The following ITGA4 variants were observed in gnomAD, a reference collection of about 807,000 sequenced individuals.
The protein encoded by ITGA4 is integrin alpha-4.
A neutral mutation model predicts 133.6 loss-of-function variants in ITGA4; 63 were observed. That is an observed-to-expected ratio of 0.47 (90% CI 0.38 to 0.58). The LOEUF (loss-of-function observed/expected upper bound fraction) is 0.58, where lower values mean the gene tolerates loss of function less well. ITGA4 is among the 20% of genes least tolerant of loss of function. The pLI is 0.00. For synonymous variants in ITGA4, 483 were observed against 438.0 expected (o/e 1.10, Z -1.28); for missense variants, 1,076 against 1,252.7 (o/e 0.86, Z 2.13).
intron 25 of ITGA4, among the ~76,000 whole-genome samples, chr2:181,533,930 T>A (rs1686997739): frequency 6.6e-6 from 1 of 152,196 alleles, no homozygotes; most frequent in African/African-American, 2.4e-5. Context: ...ATGTATTTAA[T>A]TTAGAAAGAA....
Position 181,460,201 on chromosome 2 carries a change from C to T in ITGA4, c.319+1884C>T, listed in dbSNP as rs114194236. ...TTTTGGCCAATCTACAAGGTATTTACTGGGATGAAAGGAAAAAAGGCAAGA... is the reference window on the plus strand; with the variant it reads ...TTTTGGCCAATCTACAAGGTATTTATTGGGATGAAAGGAAAAAAGGCAAGA... On this transcript the variant is annotated intron_variant, in intron 2 of 27. Transcript: ENST00000397033. Among the ~76,000 whole-genome samples the T allele has an allele frequency of 6.6e-3, 1,002 of 152,200 alleles. 14 individuals are homozygous for T. The highest frequency in any genetic ancestry group is 0.023 in the African/African-American group (952 of 41,514).
intron 10 of ITGA4, among the ~76,000 whole-genome samples, chr2:181,488,018 A>G (rs908463696): frequency 6.6e-6 from 1 of 152,228 alleles, no homozygotes; most frequent in African/African-American, 2.4e-5. Flanking sequence ...TAATTGACAC[A>G]TTTAAAGAAG....
At chr2:181,474,829 C>T (rs1301693125) in intron 2 of ITGA4, 131 bp from the exon 3 acceptor site, 2 of 646,986 alleles carry the variant, frequency 3.1e-6, no homozygotes, top group East Asian at 5.5e-5. Context: ...TCACATTTAT[C>T]CTCACATTGT....
chr2:181,487,187 A>G (rs1685942380), intron 10 of ITGA4, among the ~76,000 whole-genome samples: 1 of 152,154 alleles, frequency 6.6e-6, no homozygotes, highest in Non-Finnish European at 1.5e-5. Context: ...ACATGTATGA[A>G]TGGGAGCCTC....
Position 181,537,918 on chromosome 2 carries a change from A to T in ITGA4, c.*2391A>T. 1.7e-6 allele frequency: 1 copy of T among 582,988 alleles called. No individual in the cohort carries two copies. The highest frequency in any genetic ancestry group is 1.5e-5 in the South Asian group (1 of 65,568). The allele number at this position is 582,988 out of a possible 1,614,324, so 36.1% of individuals were successfully genotyped here. On this transcript the variant is annotated 3_prime_UTR_variant, in exon 28 of 28. Transcript: ENST00000397033. The stretch of plus-strand genomic sequence containing the variant: ...ACTGAGTTCCTCCCCCTGTCAGATC[A>T]GCAGCAGCATTAGATTCTCATAGAA...
intron 9 of ITGA4, among the ~76,000 whole-genome samples, chr2:181,483,692 A>G (rs1685853554): frequency 6.6e-6 from 1 of 152,108 alleles, no homozygotes; most frequent in African/African-American, 2.4e-5. Flanking sequence ...AGTAAAAGCA[A>G]ATTATCTACA....
chr2:181,493,769 C>G (rs1686103686), intron 11 of ITGA4, among the ~76,000 whole-genome samples: 1 of 152,126 alleles, frequency 6.6e-6, no homozygotes, highest in East Asian at 1.9e-4. Flanking sequence ...GTGGCTAGAG[C>G]CCCATATTTT....
chr2:181,460,456 A>C (rs1329712829), intron 2 of ITGA4, among the ~76,000 whole-genome samples: 4 of 152,150 alleles, frequency 2.6e-5, no homozygotes, highest in Non-Finnish European at 5.9e-5. Context: ...AAAACAATAC[A>C]TTGGTAATAA....
chr2:181,498,202 C>A (rs1686195409), intron 14 of ITGA4: 2 of 152,106 alleles, frequency 1.3e-5, no homozygotes, highest in African/African-American at 4.8e-5. Context: ...TAAAATTAGT[C>A]ATATAACCAC....
intron 17 of ITGA4, among the ~76,000 whole-genome samples, chr2:181,515,756 T>C (rs1224650198): frequency 2.0e-5 from 3 of 152,146 alleles, no homozygotes; most frequent in African/African-American, 4.8e-5. Flanking sequence ...AATTATACTC[T>C]ATCAGACAGA....
intron 21 of ITGA4, among the ~76,000 whole-genome samples, chr2:181,526,421 G>T (rs1407128021): frequency 6.6e-6 from 1 of 152,128 alleles, no homozygotes; most frequent in Non-Finnish European, 1.5e-5. Flanking sequence ...TTATGGAGTA[G>T]AGATCTCCCT....
At position 181,469,771 on chromosome 2, in the gene ITGA4, TG is replaced by T. The variant is rs1685502030; in HGVS notation, c.320-5187del. 5.3e-5 allele frequency among the ~76,000 whole-genome samples: 8 copies of T among 152,278 alleles called. No homozygotes were observed. The South Asian group carries it at 1.7e-3, about 32-fold the overall frequency. ...TGAGTTCATGTCCTTTGTAGGGACA[TG>T]GATGAAATTGGAAATCATCATTCTC... On this transcript the variant is annotated intron_variant, in intron 2 of 27. Transcript: ENST00000397033.
chr2:181,499,027 C>G, intron 15 of ITGA4: 1 of 307,592 alleles, frequency 3.3e-6, no homozygotes, highest in Non-Finnish European at 4.7e-6. Context: ...TTGCCTTTTC[C>G]TTTCTAAAAT....
At chr2:181,484,164 C>A (rs1685864146) in intron 9 of ITGA4, among the ~76,000 whole-genome samples, 1 of 152,118 alleles carries the variant, frequency 6.6e-6, no homozygotes, top group African/African-American at 2.4e-5. Context: ...AGTATAGATG[C>A]CTTGTGGAGA....
At chr2:181,487,184 T>C (rs1685942336) in intron 10 of ITGA4, among the ~76,000 whole-genome samples, 2 of 152,154 alleles carry the variant, frequency 1.3e-5, no homozygotes. Flanking sequence ...AAAACATGTA[T>C]GAATGGGAGC....
At chr2:181,461,988 T>A (rs1685292181) in intron 2 of ITGA4, among the ~76,000 whole-genome samples, 2 of 152,294 alleles carry the variant, frequency 1.3e-5, no homozygotes, top group South Asian at 4.1e-4. Flanking sequence ...TATTTTGGAT[T>A]TATTAGGCGA....
In ITGA4 at chr2:181,536,941, T is replaced by C; in HGVS notation, c.*1414T>C. The stretch of plus-strand genomic sequence containing the variant: ...CAATTCTGGGAAAGATTTCTTTATA[T>C]GAAGTCCCTGCCACTAGCCAGCCAT... On this transcript the variant is annotated 3_prime_UTR_variant, in exon 28 of 28. Transcript: ENST00000397033. 1 of 453,472 alleles carries C rather than the reference T, an allele frequency of 2.2e-6. No individual in the cohort carries two copies. The highest frequency in any genetic ancestry group is 1.6e-5 in the South Asian group (1 of 64,342). 28.1% of individuals were successfully genotyped at this position (453,472 alleles called of 1,614,324 possible). A position where few individuals can be genotyped will look rare whatever the true frequency, so the allele number is the denominator to read the frequency against.
chr2:181,457,353 G>C (rs1029059222), upstream of ITGA4: 1 of 323,914 alleles, frequency 3.1e-6, no homozygotes, highest in Non-Finnish European at 5.7e-6. Flanking sequence ...TCCGCACCAC[G>C]CCCGGGACCC....
intron 2 of ITGA4, chr2:181,459,476 CTG>C (rs1182800981): frequency 6.6e-6 from 1 of 152,108 alleles, no homozygotes; most frequent in Non-Finnish European, 1.5e-5. Context: ...CTTTTTCAAA[CTG>C]TGAAGCTGGT....
Sources: allele counts gnomAD v4.1 joint callset (sites outside exome capture counted in the v4.1 genomes callset), GRCh38; gene constraint gnomAD v4.1.1; transcripts MANE v1.5; gene names NCBI Gene and HGNC (gene_info 2026-07-23, HGNC 2026-07-21).